EML4: variants seen among roughly 807,000 people sequenced by gnomAD.
EML4 encodes the protein EMAP like 4.
Under a neutral mutation model 129.0 loss-of-function variants are expected in EML4, and 72 were observed. The observed-to-expected ratio is 0.56, with a 90% CI of 0.46 to 0.68. The LOEUF is 0.68. EML4 is among the 30% of genes least tolerant of loss of function. The pLI is 0.00. For synonymous variants in EML4, 532 were observed against 405.0 expected, an observed-to-expected ratio of 1.31 and a Z score of -3.77; for missense variants, 1,363 against 1,190.6, an observed-to-expected ratio of 1.14 and a Z score of -2.13.
chr2:42,169,892 A>C (rs1572815696), intron 1 of EML4: 1 of 409,804 alleles, frequency 2.4e-6, no homozygotes, highest in East Asian at 3.7e-5. Flanking sequence ...GTTCCCCCAA[A>C]GTGGGAACCC....
rs1668480187 is a variant in EML4 at position 42,304,475 on chromosome 2, CTT to C, written c.1900-6_1900-5del. 1 of 1,613,682 alleles carries C rather than the reference CTT, an allele frequency of 6.2e-7. No homozygotes were observed. The highest frequency in any genetic ancestry group is 1.7e-5 in the Admixed American group (1 of 60,018). ...TGTACTCCCCAACAGCTGTCTGTCT[CTT>C]TTCTAGGAACCAGGACACTGTGCAG... On this transcript the variant is annotated splice_region_variant and splice_polypyrimidine_tract_variant and intron_variant, in intron 16 of 22. Transcript: ENST00000318522.
At chr2:42,263,825 G>T (rs1435082342) in intron 5 of EML4, among the ~76,000 whole-genome samples, 1 of 151,918 alleles carries the variant, frequency 6.6e-6, no homozygotes, top group Non-Finnish European at 1.5e-5. Flanking sequence ...CGCCTCCCAG[G>T]TGCAAGCGAT....
At chr2:42,289,493 C>T (rs1183310365) in intron 11 of EML4, 1 of 152,172 alleles carries the variant, frequency 6.6e-6, no homozygotes, top group Non-Finnish European at 1.5e-5. Context: ...TTTCTAGTTG[C>T]ATCCTAGACA....
At chr2:42,309,139 C>T (rs1201199438) in intron 17 of EML4, among the ~76,000 whole-genome samples, 1 of 152,020 alleles carries the variant, frequency 6.6e-6, no homozygotes, top group Non-Finnish European at 1.5e-5. Flanking sequence ...GGCACAATGG[C>T]TCACACCTGT....
At chr2:42,243,139 A>G (rs1264999713) in intron 1 of EML4, among the ~76,000 whole-genome samples, 1 of 152,152 alleles carries the variant, frequency 6.6e-6, no homozygotes, top group Non-Finnish European at 1.5e-5. Flanking sequence ...TCAGTCTCAT[A>G]GTATGGGGCG....
At chr2:42,239,752 A>G (rs1674897069) in intron 1 of EML4, among the ~76,000 whole-genome samples, 1 of 140,400 alleles carries the variant, frequency 7.1e-6, no homozygotes, top group Non-Finnish European at 1.5e-5. Context: ...TTATACTCCT[A>G]CTCTATAATA....
intron 1 of EML4, among the ~76,000 whole-genome samples, chr2:42,202,142 A>G (rs1311520710): frequency 6.6e-6 from 1 of 151,948 alleles, no homozygotes. Context: ...GGAGGGGTGT[A>G]GACAGGGAAA....
intron 1 of EML4, among the ~76,000 whole-genome samples, chr2:42,232,597 A>G (rs1674416528): frequency 6.6e-6 from 1 of 152,254 alleles, no homozygotes; most frequent in African/African-American, 2.4e-5. Flanking sequence ...TAATCTTTCA[A>G]GTAACTCCTA....
At position 42,329,954 on chromosome 2, in the gene EML4, C is replaced by G. The variant is rs373483269; in HGVS notation, c.2693C>G (p.Pro898Arg). The G allele has an allele frequency of 1.2e-6, 2 of 1,613,898 alleles. No homozygotes were observed. The highest frequency in any genetic ancestry group is 3.3e-5 in the Admixed American group (2 of 59,974). ...GAAAGTGTCATCCAATCTAATACTCCCACACCGCCTCCTTCTCAGCCCTTA... is the reference window on the plus strand; with the variant it reads ...GAAAGTGTCATCCAATCTAATACTCGCACACCGCCTCCTTCTCAGCCCTTA... Reference protein sequence around the residue: ...STESVIQSNTPTPPPSQPLNE... With the variant: ...STESVIQSNTRTPPPSQPLNE... The change falls in exon 23 of 23, where the codon CCC becomes CGC. Residue 898 changes from proline (P) to arginine (R), a missense_variant. Transcript: ENST00000318522.
chr2:42,241,072 G>A (rs1373380832), intron 1 of EML4, among the ~76,000 whole-genome samples: 1 of 152,044 alleles, frequency 6.6e-6, no homozygotes, highest in Non-Finnish European at 1.5e-5. Context: ...TGAGGCAGGA[G>A]AATCTCTTGA....
At chr2:42,267,446 A>G (rs1365541612) in intron 6 of EML4, among the ~76,000 whole-genome samples, 1 of 152,188 alleles carries the variant, frequency 6.6e-6, no homozygotes, top group African/African-American at 2.4e-5. Flanking sequence ...AAAATATGAC[A>G]TTAATTTAGC....
Position 42,192,352 on chromosome 2 carries a change from G to T in EML4, c.25+22716G>T, listed in dbSNP as rs750064128. Among the ~76,000 whole-genome samples, 4 of 150,886 alleles carry T rather than the reference G, an allele frequency of 2.7e-5. No individual in the cohort carries two copies. The East Asian group carries it at 7.9e-4, about 30-fold the overall frequency. Reference sequence around the variant, plus strand: ...CCTGCTGGCTTCAAGAGATTCTCCCGCCTCAGCCTCCTGAGTAGGTGGGAT... The same window carrying T: ...CCTGCTGGCTTCAAGAGATTCTCCCTCCTCAGCCTCCTGAGTAGGTGGGAT... On this transcript the variant is annotated intron_variant, in intron 1 of 22. Transcript: ENST00000318522.
chr2:42,275,841 C>G (rs1170351808), intron 6 of EML4, among the ~76,000 whole-genome samples: 1 of 152,242 alleles, frequency 6.6e-6, no homozygotes, highest in African/African-American at 2.4e-5. Context: ...GTTTAACTAT[C>G]ATGAGGCAGG....
At chr2:42,250,081 G>A (rs1675665103) in intron 2 of EML4, among the ~76,000 whole-genome samples, 1 of 152,182 alleles carries the variant, frequency 6.6e-6, no homozygotes, top group South Asian at 2.1e-4. Context: ...TGAGAACACA[G>A]CCCAGTGGCA....
At chr2:42,234,619 T>C (rs555714830) in intron 1 of EML4, among the ~76,000 whole-genome samples, 1 of 152,376 alleles carries the variant, frequency 6.6e-6, no homozygotes, top group East Asian at 1.9e-4. Flanking sequence ...AACATTTGCC[T>C]ACACACTTGT....
intron 1 of EML4, among the ~76,000 whole-genome samples, chr2:42,181,549 G>A (rs184895149): frequency 6.6e-6 from 1 of 152,102 alleles, no homozygotes; most frequent in Non-Finnish European, 1.5e-5. Flanking sequence ...ACCTACCTCA[G>A]CCTCCCAAAG....
At chr2:42,321,244 G>T (rs1023441557) in intron 19 of EML4, among the ~76,000 whole-genome samples, 1 of 151,922 alleles carries the variant, frequency 6.6e-6, no homozygotes, top group African/African-American at 2.4e-5. Flanking sequence ...TTAGCCGGGC[G>T]TGGTGGCGGG....
At position 42,182,236 on chromosome 2, in the gene EML4, C is replaced by A. The variant is rs551467619; in HGVS notation, c.25+12600C>A. ...GGTTAGTTACATATGTATACATGTG[C>A]CATGCTGGTGCGCTGCACCCACTAA... is the stretch of plus-strand genomic sequence containing the variant. On this transcript the variant is annotated intron_variant, in intron 1 of 22. Coordinates refer to ENST00000318522, the MANE Select transcript of EML4 (RefSeq NM_019063.5). Among the ~76,000 whole-genome samples, 6 of 150,470 alleles carry A rather than the reference C, an allele frequency of 4.0e-5. 1 individual carries two copies. The South Asian group carries it at 1.3e-3, about 32-fold the overall frequency.
At chr2:42,260,046 A>T (rs1261433231) in intron 3 of EML4, among the ~76,000 whole-genome samples, 5 of 148,132 alleles carry the variant, frequency 3.4e-5, no homozygotes, top group Non-Finnish European at 3.0e-5. Context: ...TTTTTTTTTT[A>T]AAGAGACAGA....
Sources: gnomAD v4.1 joint callset for allele counts (sites outside exome capture counted in the v4.1 genomes callset) on GRCh38, gnomAD v4.1.1 for gene constraint, MANE v1.5 for transcripts, NCBI Gene and HGNC (gene_info 2026-07-23, HGNC 2026-07-21) for gene names.